The following NMNAT2 variants were observed in gnomAD, a reference collection of about 807,000 sequenced individuals.
NMNAT2 encodes the protein nicotinamide nucleotide adenylyltransferase 2.
NMNAT2 carries 11 observed loss-of-function variants against 41.6 expected under a neutral mutation model. The observed-to-expected ratio is 0.26, with a 90% CI of 0.17 to 0.44. The LOEUF is 0.44. NMNAT2 is among the 20% of genes least tolerant of loss of function. The probability of loss-of-function intolerance (pLI) is 1.00; values close to 1 mark genes in which losing one functional copy is unlikely to be tolerated. For missense variants in NMNAT2, 288 were observed against 407.7 expected (o/e 0.71, Z 2.53); for synonymous variants, 148 against 151.2 (o/e 0.98, Z 0.16).
intron 1 of NMNAT2, among the ~76,000 whole-genome samples, chr1:183,411,501 T>G (rs1649115991): frequency 6.6e-6 from 1 of 152,006 alleles, no homozygotes; most frequent in Admixed American, 6.5e-5. Flanking sequence ...AGACAGGGTT[T>G]CCCCATATTG....
intron 1 of NMNAT2, among the ~76,000 whole-genome samples, chr1:183,295,531 T>A (rs1448056819): frequency 8.5e-5 from 13 of 152,300 alleles, no homozygotes; most frequent in Admixed American, 8.5e-4. Context: ...ATTAACACAT[T>A]ATTAACTATA....
In NMNAT2 at chr1:183,364,106, G is replaced by A. The variant is rs545167739; in HGVS notation, c.85+54077C>T. 5.9e-5 allele frequency among the ~76,000 whole-genome samples: 9 copies of A among 152,266 alleles called. No individual in the cohort carries two copies. In the South Asian group the frequency reaches 1.9e-3, roughly 32 times the overall value. ...GGGAAGAATAAGCATTGAATGTGTG[G>A]CCAGACTGATAACTGCACTTAGTCA... On this transcript the variant is annotated intron_variant, in intron 1 of 10. Transcript: ENST00000287713.
intron 8 of NMNAT2, among the ~76,000 whole-genome samples, chr1:183,262,776 T>C (rs75049003): frequency 2.0e-5 from 3 of 152,232 alleles, no homozygotes; most frequent in Admixed American, 6.5e-5. Context: ...AGTTACGGCA[T>C]TTAATACTCC....
chr1:183,409,461 T>A (rs1376927453), intron 1 of NMNAT2, among the ~76,000 whole-genome samples: 1 of 152,036 alleles, frequency 6.6e-6, no homozygotes, highest in Non-Finnish European at 1.5e-5. Context: ...GGACTGCAGA[T>A]GCACACCACC....
chr1:183,369,972 T>C (rs1294271488), intron 1 of NMNAT2, among the ~76,000 whole-genome samples: 3 of 151,994 alleles, frequency 2.0e-5, no homozygotes, highest in Non-Finnish European at 4.4e-5. Context: ...GGGATTAGCA[T>C]TCAGGAAATC....
chr1:183,375,156 G>C (rs1423950259), intron 1 of NMNAT2, among the ~76,000 whole-genome samples: 1 of 152,054 alleles, frequency 6.6e-6, no homozygotes, highest in Non-Finnish European at 1.5e-5. Flanking sequence ...GTCCTCCACA[G>C]ACCTGCCATC....
rs555368080 is a variant in NMNAT2 at position 183,303,323 on chromosome 1, A to T, written c.86-9530T>A. On this transcript the variant is annotated intron_variant, in intron 1 of 10. Coordinates refer to ENST00000287713, the MANE Select transcript of NMNAT2 (RefSeq NM_015039.4). ...AAACCAAGTAATTAACTTACTGACCATTTGCTGGTGATCTGCTCTGTGTTA... is the reference window on the plus strand; with the variant it reads ...AAACCAAGTAATTAACTTACTGACCTTTTGCTGGTGATCTGCTCTGTGTTA... Among the ~76,000 whole-genome samples the T allele has an allele frequency of 2.6e-5, 4 of 152,250 alleles. No individual in the cohort carries two copies. The East Asian group carries it at 7.7e-4, about 29-fold the overall frequency.
chr1:183,291,083 A>G (rs1020825486), intron 3 of NMNAT2, among the ~76,000 whole-genome samples: 1 of 151,992 alleles, frequency 6.6e-6, no homozygotes, highest in Non-Finnish European at 1.5e-5. Flanking sequence ...TGCCCAGTTA[A>G]TTTTTGTATT....
intron 8 of NMNAT2, among the ~76,000 whole-genome samples, chr1:183,276,504 G>T (rs1425035977): frequency 6.6e-6 from 1 of 152,180 alleles, no homozygotes; most frequent in Admixed American, 6.5e-5. Flanking sequence ...AGAGGGATTG[G>T]CCTGCAGCAA....
chr1:183,418,338 G>T lies in NMNAT2; in HGVS notation c.-71C>A. 3 of 1,461,222 alleles carry T rather than the reference G, an allele frequency of 2.1e-6. No individual in the cohort carries two copies. Among genetic ancestry groups the T allele is most frequent in the Non-Finnish European group, 2.9e-6 (3 of 1,042,732 alleles). The allele number at this position is 1,461,222 out of a possible 1,614,324, so 90.5% of individuals were successfully genotyped here. A position where few individuals can be genotyped will look rare whatever the true frequency, so the allele number is the denominator to read the frequency against. Reference sequence around the variant, plus strand: ...TTGTGTCTCGTTGTGTCTGCAGAGGGAGAAAGGAAGGCGAGGCTCCGGCGG... The same window carrying T: ...TTGTGTCTCGTTGTGTCTGCAGAGGTAGAAAGGAAGGCGAGGCTCCGGCGG... On this transcript the variant is annotated 5_prime_UTR_variant, in exon 1 of 11. Coordinates refer to ENST00000287713, the MANE Select transcript of NMNAT2 (RefSeq NM_015039.4).
At chr1:183,337,243 A>G (rs1289139334) in intron 1 of NMNAT2, among the ~76,000 whole-genome samples, 2 of 152,168 alleles carry the variant, frequency 1.3e-5, no homozygotes, top group Non-Finnish European at 2.9e-5. Context: ...CTACAATAAG[A>G]GAGAAAGAAT....
At chr1:183,327,062 T>TATG (rs775483083) in intron 1 of NMNAT2, among the ~76,000 whole-genome samples, 19 of 118,186 alleles carry the variant, frequency 1.6e-4, no homozygotes, top group Admixed American at 2.5e-4. Context: ...ATGTATGTAT[T>TATG]TATTTTTGAG....
At chr1:183,357,210 C>T (rs1663211626) in intron 1 of NMNAT2, among the ~76,000 whole-genome samples, 1 of 134,004 alleles carries the variant, frequency 7.5e-6, no homozygotes, top group African/African-American at 2.8e-5. Flanking sequence ...GGAAGAGAGA[C>T]ATCAAATTCT....
At chr1:183,410,125 A>G (rs1649074867) in intron 1 of NMNAT2, among the ~76,000 whole-genome samples, 1 of 150,804 alleles carries the variant, frequency 6.6e-6, no homozygotes, top group Non-Finnish European at 1.5e-5. Context: ...CTGGGCCAAC[A>G]TGGTGAAATC....
chr1:183,331,727 C>T (rs1414595463), intron 1 of NMNAT2, among the ~76,000 whole-genome samples: 1 of 152,192 alleles, frequency 6.6e-6, no homozygotes, highest in Admixed American at 6.5e-5. Context: ...ACACAGCCCA[C>T]CCCCACCACC....
chr1:183,302,770 T>C (rs1371411987), intron 1 of NMNAT2, among the ~76,000 whole-genome samples: 1 of 152,202 alleles, frequency 6.6e-6, no homozygotes, highest in Admixed American at 6.5e-5. Flanking sequence ...GCCTCACCTG[T>C]CATTCCCAGA....
intron 1 of NMNAT2, among the ~76,000 whole-genome samples, chr1:183,364,848 C>A (rs2102361820): frequency 6.6e-6 from 1 of 152,222 alleles, no homozygotes; most frequent in African/African-American, 2.4e-5. Context: ...CCCACCACCA[C>A]ATCCGGCTAA....
At chr1:183,372,671 T>C (rs1449765421) in intron 1 of NMNAT2, among the ~76,000 whole-genome samples, 1 of 152,188 alleles carries the variant, frequency 6.6e-6, no homozygotes, top group Non-Finnish European at 1.5e-5. Flanking sequence ...ACAGCAAAAA[T>C]GCCCCCTCTC....
At chr1:183,317,229 C>T (rs1054291912) in intron 1 of NMNAT2, among the ~76,000 whole-genome samples, 4 of 152,186 alleles carry the variant, frequency 2.6e-5, no homozygotes, top group African/African-American at 9.6e-5. Flanking sequence ...AGTTTCATCC[C>T]CCCGTATTTC....
Sources: gnomAD v4.1 joint callset for allele counts (sites outside exome capture counted in the v4.1 genomes callset) on GRCh38, gnomAD v4.1.1 for gene constraint, MANE v1.5 for transcripts, NCBI Gene and HGNC (gene_info 2026-07-23, HGNC 2026-07-21) for gene names.